KDM2A: variants seen among roughly 807,000 people sequenced by gnomAD.
The protein encoded by KDM2A is lysine demethylase 2A.
KDM2A carries 3 observed loss-of-function variants against 137.3 expected under a neutral mutation model. The ratio of observed to expected loss-of-function variants is 0.02; its 90% confidence interval spans 0.01 to 0.06. The LOEUF (loss-of-function observed/expected upper bound fraction) is 0.06. Ranked by LOEUF, KDM2A falls within the 10% of genes least tolerant of loss-of-function variation. The probability of loss-of-function intolerance (pLI) is 1.00; values close to 1 mark genes in which losing one functional copy is unlikely to be tolerated. For synonymous variants in KDM2A, 512 were observed against 541.5 expected (o/e 0.95, Z 0.76); for missense variants, 738 against 1,510.6 (o/e 0.49, Z 8.48).
chr11:67,245,073 G>A lies in KDM2A; in HGVS notation c.1564-116G>A. On this transcript the variant is annotated intron_variant, in intron 13 of 20. Coordinates refer to ENST00000529006, the MANE Select transcript of KDM2A (RefSeq NM_012308.3). The surrounding 1 kb of genome is among the most constrained non-coding windows in gnomAD (Gnocchi z 4.1). ...AATTTATTCTAGAAACAAGCAGTGG[G>A]CAGATCTGGCCATAGTGGGCCAAGC... The A allele has an allele frequency of 1.9e-6, 2 of 1,062,276 alleles. No homozygotes were observed. The highest frequency in any genetic ancestry group is 2.7e-6 in the Non-Finnish European group (2 of 727,570). 65.8% of individuals were successfully genotyped at this position (1,062,276 alleles called of 1,614,324 possible).
intron 2 of KDM2A, among the ~76,000 whole-genome samples, chr11:67,133,789 C>T (rs1384937108): frequency 1.3e-5 from 2 of 151,772 alleles, no homozygotes; most frequent in African/African-American, 4.8e-5. Context: ...ATAACTTCCG[C>T]CTCCCAGGTT....
intron 15 of KDM2A, among the ~76,000 whole-genome samples, chr11:67,247,904 C>A (rs1859298826): frequency 6.6e-6 from 1 of 152,104 alleles, no homozygotes; most frequent in Non-Finnish European, 1.5e-5. Flanking sequence ...TTGTTAAATT[C>A]TTTACACAAT....
chr11:67,245,892 T>C lies in KDM2A; in HGVS notation c.1834-93T>C, dbSNP rs896830278. Reference sequence around the variant, plus strand: ...CTTCCAGGTGTTTAGTAGAGAATTATAGGACCCAAATCTCCCATCTTCAGT... The same window carrying C: ...CTTCCAGGTGTTTAGTAGAGAATTACAGGACCCAAATCTCCCATCTTCAGT... On this transcript the variant is annotated intron_variant, in intron 14 of 20. Coordinates refer to ENST00000529006, the MANE Select transcript of KDM2A (RefSeq NM_012308.3). This position sits in a 1 kb window ranked among gnomAD's most constrained non-coding sequence, Gnocchi z 4.1. The C allele has an allele frequency of 1.4e-5, 20 of 1,457,472 alleles. No individual in the cohort carries two copies. Among genetic ancestry groups the C allele is most frequent in the African/African-American group, 4.2e-5 (3 of 71,452 alleles). 90.3% of individuals were successfully genotyped at this position (1,457,472 alleles called of 1,614,324 possible).
rs1856401086 is a variant in KDM2A, at chr11:67,151,927, G to A, written c.43-28152G>A. ...ACCGGGCTAATTTTTTTAATTTTTG[G>A]TAGAGGCAAGGTTTTGTTACATTGC... On this transcript the variant is annotated intron_variant, in intron 2 of 20. Coordinates refer to ENST00000529006, the MANE Select transcript of KDM2A (RefSeq NM_012308.3). Among the ~76,000 whole-genome samples the A allele has an allele frequency of 3.3e-5, 5 of 152,104 alleles. No individual in the cohort carries two copies. The South Asian group carries it at 1.0e-3, about 32-fold the overall frequency.
chr11:67,122,643 TTTTATTTATTTATTTATTTATTTA>T (rs561153207), intron 2 of KDM2A, among the ~76,000 whole-genome samples: 14 of 144,576 alleles, frequency 9.7e-5, no homozygotes, highest in Non-Finnish European at 1.4e-4. Flanking sequence ...TTTTATTTAT[TTTTATTTATTTATTTATTTATTTA>T]TTTATTTATT....
At chr11:67,225,324 A>C (rs1247852590) in intron 10 of KDM2A, among the ~76,000 whole-genome samples, 1 of 152,220 alleles carries the variant, frequency 6.6e-6, no homozygotes, top group Admixed American at 6.5e-5. Context: ...AAAACATAGC[A>C]TTCCTATGCG....
chr11:67,171,707 A>G (rs1370517243), intron 2 of KDM2A, among the ~76,000 whole-genome samples: 1 of 152,230 alleles, frequency 6.6e-6, no homozygotes, highest in African/African-American at 2.4e-5. Context: ...TATCTTAGGC[A>G]AGAAAAACTA....
chr11:67,160,561 C>T (rs1590735485), intron 2 of KDM2A, among the ~76,000 whole-genome samples: 1 of 151,932 alleles, frequency 6.6e-6, no homozygotes, highest in African/African-American at 2.4e-5. Context: ...CATCTGAGGT[C>T]AGGAGTTTGA....
chr11:67,137,147 G>A (rs1041763154), intron 2 of KDM2A, among the ~76,000 whole-genome samples: 57 of 152,292 alleles, frequency 3.7e-4, no homozygotes, highest in African/African-American at 1.4e-3. Flanking sequence ...CTGCCAACCA[G>A]CTAAGCCAAC....
intron 6 of KDM2A, among the ~76,000 whole-genome samples, chr11:67,214,288 T>C (rs1858089261): frequency 6.7e-6 from 1 of 148,882 alleles, no homozygotes; most frequent in Non-Finnish European, 1.5e-5. Context: ...CACTGCAAGC[T>C]CCGCCTCCCG....
chr11:67,121,940 A>G (rs1042164862), intron 2 of KDM2A, among the ~76,000 whole-genome samples: 1 of 151,996 alleles, frequency 6.6e-6, no homozygotes, highest in African/African-American at 2.4e-5. Context: ...TCTTGTTGAA[A>G]GAAATTTTAG....
chr11:67,154,641 G>C (rs1856473853), intron 2 of KDM2A, among the ~76,000 whole-genome samples: 2 of 151,656 alleles, frequency 1.3e-5, no homozygotes, highest in African/African-American at 4.8e-5. Context: ...GTTTTGCCAT[G>C]TTGGCCAGGC....
At chr11:67,207,740 T>G in intron 6 of KDM2A, 52 bp downstream of exon 6, 1 of 1,414,142 alleles carries the variant, frequency 7.1e-7, no homozygotes. Context: ...AGGGTTGTTT[T>G]CGGCTGGACG....
At chr11:67,208,420 C>G (rs1258046921) in intron 6 of KDM2A, among the ~76,000 whole-genome samples, 2 of 151,608 alleles carry the variant, frequency 1.3e-5, no homozygotes, top group Non-Finnish European at 2.9e-5. Flanking sequence ...TGATTTGTAT[C>G]ACAGTAACTT....
intron 2 of KDM2A, among the ~76,000 whole-genome samples, chr11:67,152,527 G>C (rs1253952957): frequency 6.6e-6 from 1 of 151,932 alleles, no homozygotes; most frequent in Non-Finnish European, 1.5e-5. Flanking sequence ...AGGATCGCTT[G>C]AGCCTGGGAG....
At position 67,143,748 on chromosome 11, in the gene KDM2A, T is replaced by G. The variant is rs970318600; in HGVS notation, c.42+22390T>G. Among the ~76,000 whole-genome samples, 3 of 151,950 alleles carry G rather than the reference T, an allele frequency of 2.0e-5. No homozygotes were observed. The South Asian group carries it at 6.2e-4, about 31-fold the overall frequency. ...CCTGGGTTCTAGAGATTCTCCTGCC[T>G]CAGCCTCCTGAGTAGCTGGGATTAC... On this transcript the variant is annotated intron_variant, in intron 2 of 20. Coordinates refer to ENST00000529006, the MANE Select transcript of KDM2A (RefSeq NM_012308.3).
intron 2 of KDM2A, among the ~76,000 whole-genome samples, chr11:67,151,343 A>G (rs924240584): frequency 5.3e-5 from 8 of 151,704 alleles, no homozygotes; most frequent in South Asian, 2.1e-4. Context: ...TACACACCAC[A>G]TATTTTATTT....
At chr11:67,192,584 A>G (rs369977632) in intron 5 of KDM2A, among the ~76,000 whole-genome samples, 7 of 151,174 alleles carry the variant, frequency 4.6e-5, no homozygotes, top group Admixed American at 1.3e-4. Flanking sequence ...AGCTGGGATT[A>G]CAGGCATGCA....
At chr11:67,127,808 A>G (rs1270751360) in intron 2 of KDM2A, among the ~76,000 whole-genome samples, 2 of 151,980 alleles carry the variant, frequency 1.3e-5, no homozygotes, top group East Asian at 3.9e-4. Flanking sequence ...CCTGGGTTCA[A>G]GCGATTCTCC....
Sources: allele counts gnomAD v4.1 joint callset (sites outside exome capture counted in the v4.1 genomes callset), GRCh38; gene constraint gnomAD v4.1.1; non-coding constraint Gnocchi (gnomAD v3.1); transcripts MANE v1.5; gene names NCBI Gene and HGNC (gene_info 2026-07-23, HGNC 2026-07-21).